RAMP1: variants seen among roughly 807,000 people sequenced by gnomAD.
RAMP1 encodes receptor activity-modifying protein 1.
Under a neutral mutation model 8.2 loss-of-function variants are expected in RAMP1, and 7 were observed. The ratio of observed to expected loss-of-function variants is 0.85; its 90% CI spans 0.49 to 1.60. The LOEUF (loss-of-function observed/expected upper bound fraction) is 1.60. RAMP1 is among the 40% of genes most tolerant of loss of function. The pLI is 0.00. For missense variants in RAMP1, 192 were observed against 202.4 expected, an observed-to-expected ratio of 0.95 and a Z score of 0.31; for synonymous variants, 92 against 84.7, an observed-to-expected ratio of 1.09 and a Z score of -0.47.
chr2:237,859,457 C>T (rs1477167155), upstream of RAMP1: 1 of 157,318 alleles, frequency 6.4e-6, no homozygotes, highest in Non-Finnish European at 1.4e-5. Context: ...CCTGGAGACG[C>T]CCGCGCGGCC....
chr2:237,897,671 A>G (rs1051068826), intron 2 of RAMP1, among the ~76,000 whole-genome samples: 5 of 151,682 alleles, frequency 3.3e-5, no homozygotes, highest in Admixed American at 1.3e-4. Flanking sequence ...CAAGAAGCCT[A>G]TGGTGAGGCT....
At chr2:237,883,300 G>A (rs188626799) in intron 2 of RAMP1, among the ~76,000 whole-genome samples, 147 of 152,230 alleles carry the variant, frequency 9.7e-4, no homozygotes, top group Middle Eastern at 3.4e-3. Context: ...CAACAGCTGC[G>A]TGTCAAAGGG....
At chr2:237,898,807 C>T (rs12999111) in intron 2 of RAMP1, among the ~76,000 whole-genome samples, 24,142 of 152,146 alleles carry the variant, frequency 0.16, 2,327 homozygotes, top group East Asian at 0.29. Flanking sequence ...GCTTGCTCCA[C>T]ACCTGACGCA....
chr2:237,899,286 G>A (rs2062575181), intron 2 of RAMP1, among the ~76,000 whole-genome samples: 1 of 152,158 alleles, frequency 6.6e-6, no homozygotes, highest in Admixed American at 6.5e-5. Flanking sequence ...GCCCAGGCTG[G>A]TCGCGAACTC....
chr2:237,859,019 C>T (rs3754699), upstream of RAMP1: 6 of 152,762 alleles, frequency 3.9e-5, no homozygotes, highest in Non-Finnish European at 5.8e-5. Context: ...CTCAATCCCC[C>T]CAAAGAGCCC....
intron 1 of RAMP1, among the ~76,000 whole-genome samples, chr2:237,870,374 C>T (rs1427430346): frequency 2.6e-5 from 4 of 152,218 alleles, no homozygotes; most frequent in Non-Finnish European, 4.4e-5. Flanking sequence ...TCCAGGCCTC[C>T]GTGGGGGCGG....
At chr2:237,864,279 C>G (rs976200914) in intron 1 of RAMP1, among the ~76,000 whole-genome samples, 1 of 152,220 alleles carries the variant, frequency 6.6e-6, no homozygotes, top group Admixed American at 6.5e-5. Context: ...CTGACACCAC[C>G]TGGGAGGAGA....
chr2:237,883,816 C>CAA (rs56095303), intron 2 of RAMP1, among the ~76,000 whole-genome samples: 8 of 61,476 alleles, frequency 1.3e-4, no homozygotes, highest in East Asian at 8.0e-4. Flanking sequence ...GACCCTACCT[C>CAA]AAAAAAAAAA....
intron 2 of RAMP1, among the ~76,000 whole-genome samples, chr2:237,891,468 GAC>G (rs2062488212): frequency 6.6e-6 from 1 of 152,156 alleles, no homozygotes; most frequent in South Asian, 2.1e-4. Context: ...TTTCTTAACA[GAC>G]AGATATTGTC....
intron 2 of RAMP1, among the ~76,000 whole-genome samples, chr2:237,896,451 A>C (rs1460470411): frequency 1.3e-5 from 2 of 152,158 alleles, no homozygotes; most frequent in African/African-American, 2.4e-5. Context: ...AGGCAGAGGA[A>C]GCCAGGCCCA....
At position 237,862,420 on chromosome 2, in the gene RAMP1, G is replaced by A. The variant is rs1184085413; in HGVS notation, c.52+2693G>A. On this transcript the variant is annotated intron_variant, in intron 1 of 2. Transcript: ENST00000254661. This position sits in a 1 kb window ranked among gnomAD's most constrained non-coding sequence, Gnocchi z 4.0. ...CTGTCAGCGTGCTTATTACCAGTCC[G>A]AGGCCAGGGCTGTTGAGAAACATTT... is the stretch of plus-strand genomic sequence containing the variant. Among the ~76,000 whole-genome samples the A allele has an allele frequency of 3.9e-5, 6 of 152,300 alleles. No individual in the cohort carries two copies. The highest frequency in any genetic ancestry group is 3.9e-4 in the East Asian group (2 of 5,186).
chr2:237,875,368 C>T (rs368125148), intron 1 of RAMP1, among the ~76,000 whole-genome samples: 6 of 152,036 alleles, frequency 3.9e-5, no homozygotes, highest in African/African-American at 1.5e-4. Context: ...GGTACAGAGC[C>T]TCCTGAGGTG....
Position 237,862,670 on chromosome 2 carries a change from G to A in RAMP1, c.52+2943G>A, listed in dbSNP as rs2062143663. On this transcript the variant is annotated intron_variant, in intron 1 of 2. Transcript: ENST00000254661. This position sits in a 1 kb window ranked among gnomAD's most constrained non-coding sequence, Gnocchi z 4.0. The stretch of plus-strand genomic sequence containing the variant: ...GAGCCCAGAGAGTGAAGCCCCTCGG[G>A]CTTGCCTGCCAGTGCCCCTGCCAGT... 6.6e-6 allele frequency among the ~76,000 whole-genome samples: 1 copy of A among 152,154 alleles called. No individual in the cohort carries two copies. The highest frequency in any genetic ancestry group is 2.4e-5 in the African/African-American group (1 of 41,426).
intron 2 of RAMP1, among the ~76,000 whole-genome samples, chr2:237,900,682 T>G (rs1344942708): frequency 6.6e-6 from 1 of 152,216 alleles, no homozygotes; most frequent in Non-Finnish European, 1.5e-5. Context: ...TCTCTTAATA[T>G]TTTGTAATTG....
At chr2:237,880,244 C>A (rs1189851032) in intron 2 of RAMP1, among the ~76,000 whole-genome samples, 1 of 152,124 alleles carries the variant, frequency 6.6e-6, no homozygotes, top group Non-Finnish European at 1.5e-5. Context: ...CGGGATCATC[C>A]CGGGGCCCGG....
At chr2:237,874,545 C>G (rs1576538123) in intron 1 of RAMP1, 1 of 501,790 alleles carries the variant, frequency 2.0e-6, no homozygotes. Flanking sequence ...GAGGCACAGA[C>G]ATGCCTGTTC....
chr2:237,904,582 C>T (rs953981888), intron 2 of RAMP1, among the ~76,000 whole-genome samples: 3 of 151,986 alleles, frequency 2.0e-5, no homozygotes, highest in Admixed American at 6.6e-5. Context: ...CACTCCAGCC[C>T]GAGCAACAGA....
intron 2 of RAMP1, among the ~76,000 whole-genome samples, chr2:237,879,939 G>A (rs2062349900): frequency 1.4e-5 from 2 of 143,574 alleles, no homozygotes; most frequent in Admixed American, 7.0e-5. Flanking sequence ...GCCGTGAGCC[G>A]AGATGGCGCC....
In RAMP1 at chr2:237,865,802, G is replaced by A. The variant is rs941588088; in HGVS notation, c.52+6075G>A. Among the ~76,000 whole-genome samples the A allele has an allele frequency of 2.0e-5, 3 of 152,118 alleles. No homozygotes were observed. The highest frequency in any genetic ancestry group is 2.9e-5 in the Non-Finnish European group (2 of 68,018). On this transcript the variant is annotated intron_variant, in intron 1 of 2. Transcript: ENST00000254661. This position sits in a 1 kb window ranked among gnomAD's most constrained non-coding sequence, Gnocchi z 4.2. ...AGAGAGGACGGCCAGGGAGGACAGA[G>A]AAGGAAACGGGCCCCAGGCACCACT...
Sources: allele counts gnomAD v4.1 joint callset (sites outside exome capture counted in the v4.1 genomes callset), GRCh38; gene constraint gnomAD v4.1.1; non-coding constraint Gnocchi (gnomAD v3.1); transcripts MANE v1.5; gene names NCBI Gene and HGNC (gene_info 2026-07-23, HGNC 2026-07-21).